The following PDIA3 variants were observed in gnomAD, a reference collection of about 807,000 sequenced individuals.
The protein encoded by PDIA3 is protein disulfide-isomerase A3.
Under a neutral mutation model 56.9 loss-of-function variants are expected in PDIA3, and 16 were observed. The observed-to-expected ratio is 0.28, with a 90% confidence interval of 0.19 to 0.43. The LOEUF (loss-of-function observed/expected upper bound fraction) is 0.43, where lower values mean the gene tolerates loss of function less well. Among genes scored for constraint, PDIA3 ranks in the 20% least tolerant of loss-of-function variants. The probability of loss-of-function intolerance (pLI) is 1.00; values close to 1 mark genes in which losing one functional copy is unlikely to be tolerated. For missense variants in PDIA3, 485 were observed against 621.3 expected (o/e 0.78, Z 2.33); for synonymous variants, 192 against 216.5 (o/e 0.89, Z 0.99).
rs558762902 is a variant in PDIA3 at position 43,767,693 on chromosome 15, C to CCGGG, written c.1028+784_1028+787dup. 1.5e-3 allele frequency among the ~76,000 whole-genome samples: 233 copies of CCGGG among 150,816 alleles called. 3 individuals carry two copies. Among genetic ancestry groups the CCGGG allele is most frequent in the Non-Finnish European group, 5.9e-4 (40 of 67,716 alleles). ...GCTGAGGCACCAGAATCACTTGAAC[C>CCGGG]CGGGAGGAAGAGGTTGCAGTGAGCT... On this transcript the variant is annotated intron_variant, in intron 8 of 12. Coordinates refer to ENST00000300289, the MANE Select transcript of PDIA3 (RefSeq NM_005313.5).
In PDIA3 at chr15:43,746,526, C is replaced by T. The variant is rs763333116; in HGVS notation, c.-14C>T. The T allele has an allele frequency of 6.9e-6, 11 of 1,582,780 alleles. No homozygotes were observed. Among genetic ancestry groups the T allele is most frequent in the South Asian group, 6.7e-5 (6 of 88,930 alleles). On this transcript the variant is annotated 5_prime_UTR_variant, in exon 1 of 13. Transcript: ENST00000300289. ...CCGCGACCCTTCCGGCCGTCCCCACCCCACCTCGCCGCCATGCGCCTCCGC... is the reference window on the plus strand; with the variant it reads ...CCGCGACCCTTCCGGCCGTCCCCACTCCACCTCGCCGCCATGCGCCTCCGC...
At chr15:43,764,577 C>T (rs1046481688) in intron 5 of PDIA3, among the ~76,000 whole-genome samples, 2 of 152,096 alleles carry the variant, frequency 1.3e-5, no homozygotes, top group Non-Finnish European at 2.9e-5. Context: ...AAGTGATTCT[C>T]CTGCCTCAGC....
At chr15:43,758,013 C>T (rs575566844) in intron 3 of PDIA3, among the ~76,000 whole-genome samples, 1 of 151,010 alleles carries the variant, frequency 6.6e-6, no homozygotes, top group South Asian at 2.1e-4. Context: ...GGGAGGCTGG[C>T]GGATCACCTG....
At chr15:43,755,784 G>A (rs1473153610) in intron 2 of PDIA3, among the ~76,000 whole-genome samples, 1 of 151,978 alleles carries the variant, frequency 6.6e-6, no homozygotes, top group African/African-American at 2.4e-5. Flanking sequence ...TGTGGTGGCC[G>A]GTGCCTGCAA....
rs369617401 is a variant in PDIA3 at position 43,768,482 on chromosome 15, A to C, written c.1029-7A>C. On this transcript the variant is annotated splice_region_variant and splice_polypyrimidine_tract_variant and intron_variant, in intron 8 of 12. Coordinates refer to ENST00000300289, the MANE Select transcript of PDIA3 (RefSeq NM_005313.5). ...TAACAAGCCTTACCCTTGTTTTCCA[A>C]TTGTAGGCGTGATGGGAAGGCTCTG... is the stretch of plus-strand genomic sequence containing the variant. The C allele has an allele frequency of 1.9e-6, 3 of 1,601,606 alleles. No homozygotes were observed. In the African/African-American group the frequency reaches 4.0e-5, roughly 21 times the overall value.
intron 9 of PDIA3, 110 bp downstream of exon 9, chr15:43,768,707 T>G (rs527675617): frequency 2.2e-5 from 16 of 717,100 alleles, no homozygotes; most frequent in South Asian, 2.2e-4. Flanking sequence ...CTTTTTTTTT[T>G]TGTCCTTACT....
At chr15:43,748,073 G>T in intron 1 of PDIA3, among the ~76,000 whole-genome samples, 1 of 152,142 alleles carries the variant, frequency 6.6e-6, no homozygotes, top group East Asian at 1.9e-4. Context: ...AAAACTGGGG[G>T]TGTCACTAAG....
intron 7 of PDIA3, 40 bp from the exon 8 acceptor site, chr15:43,766,688 C>G: frequency 1.9e-6 from 3 of 1,568,214 alleles, no homozygotes; most frequent in Non-Finnish European, 2.6e-6. Flanking sequence ...GCTTGACCAC[C>G]CTGTATAGTC....
chr15:43,759,806 C>A (rs1386177592), intron 3 of PDIA3, among the ~76,000 whole-genome samples: 1 of 152,078 alleles, frequency 6.6e-6, no homozygotes, highest in African/African-American at 2.4e-5. Context: ...TTAACAAGGG[C>A]CAGGCATGGT....
At chr15:43,752,966 T>C (rs1033282046) in intron 1 of PDIA3, 4 of 446,928 alleles carry the variant, frequency 8.9e-6, no homozygotes, top group African/African-American at 8.1e-5. Flanking sequence ...TTTACATGTT[T>C]TGTTATCACT....
Position 43,763,139 on chromosome 15 carries a change from A to G in PDIA3, c.535A>G (p.Arg179Gly). Residue 179 changes from arginine to glycine, a missense_variant, in exon 5 of 13, where the codon AGG (arginine) becomes GGG (glycine). Transcript: ENST00000300289. ...SEFLKAASNL[R>G]DNYRFAHTNV... ...GTTCCTAAAAGCAGCCAGCAACTTG[A>G]GGGATAACTACCGATTTGCACATAC... The G allele has an allele frequency of 6.2e-7, 1 of 1,614,144 alleles. No individual in the cohort carries two copies. The highest frequency in any genetic ancestry group is 1.1e-5 in the South Asian group (1 of 91,080).
intron 1 of PDIA3, 103 bp from the exon 2 acceptor site, chr15:43,753,721 T>A: frequency 1.2e-6 from 1 of 806,112 alleles, no homozygotes; most frequent in Non-Finnish European, 2.1e-6. Flanking sequence ...AAGTGTCTAC[T>A]AGCTCAAAGG....
chr15:43,757,518 A>G (rs1377076273), intron 3 of PDIA3, among the ~76,000 whole-genome samples: 3 of 150,254 alleles, frequency 2.0e-5, no homozygotes, highest in East Asian at 4.0e-4. Flanking sequence ...AGATCGCGCC[A>G]CTGCACTCCA....
chr15:43,757,236 A>G (rs1286351649), intron 3 of PDIA3, among the ~76,000 whole-genome samples: 1 of 151,166 alleles, frequency 6.6e-6, no homozygotes, highest in Non-Finnish European at 1.5e-5. Flanking sequence ...AGCCTGGGCA[A>G]TATAAGTTTG....
At chr15:43,754,954 C>CAA (rs770741535) in intron 2 of PDIA3, among the ~76,000 whole-genome samples, 2 of 128,754 alleles carry the variant, frequency 1.6e-5, no homozygotes, top group Non-Finnish European at 1.7e-5. Flanking sequence ...AACCCTGTCT[C>CAA]AAAAAAAAAA....
At chr15:43,754,948 C>G (rs2086768582) in intron 2 of PDIA3, among the ~76,000 whole-genome samples, 1 of 150,976 alleles carries the variant, frequency 6.6e-6, no homozygotes, top group African/African-American at 2.4e-5. Context: ...GAGCGAAACC[C>G]TGTCTCAAAA....
Position 43,756,726 on chromosome 15 carries a change from T to C in PDIA3, c.324T>C (p.Asp108=), listed in dbSNP as rs768573384. 2.5e-6 allele frequency: 4 copies of C among 1,609,358 alleles called. No homozygotes were observed. In the Admixed American group the frequency reaches 6.7e-5, roughly 27 times the overall value. ...SGYPTLKIFR[D]GEEAGAYDGP... is the part of the protein sequence containing the mutation. ...ATCCAACCCTGAAGATATTTAGAGATGGTGAAGAAGCAGGTGCTTATGATG... is the reference window on the plus strand; with the variant it reads ...ATCCAACCCTGAAGATATTTAGAGACGGTGAAGAAGCAGGTGCTTATGATG... Residue 108 remains aspartate, a synonymous_variant, in exon 3 of 13, where the codon GAT becomes GAC. Transcript: ENST00000300289.
intron 3 of PDIA3, among the ~76,000 whole-genome samples, chr15:43,760,722 G>A (rs1456345119): frequency 6.6e-6 from 1 of 150,936 alleles, no homozygotes; most frequent in Non-Finnish European, 1.5e-5. Context: ...TAGTGGAGAC[G>A]GGGTTTCACC....
chr15:43,752,282 C>T (rs1287141318), intron 1 of PDIA3, among the ~76,000 whole-genome samples: 1 of 152,140 alleles, frequency 6.6e-6, no homozygotes, highest in African/African-American at 2.4e-5. Flanking sequence ...AATTGTTACT[C>T]CCTTTAAAAT....
Sources: gnomAD v4.1 joint callset for allele counts (sites outside exome capture counted in the v4.1 genomes callset) on GRCh38, gnomAD v4.1.1 for gene constraint, MANE v1.5 for transcripts, NCBI Gene and HGNC (gene_info 2026-07-23, HGNC 2026-07-21) for gene names.